VIRMA: variants seen among roughly 807,000 people sequenced by gnomAD.
VIRMA encodes protein virilizer homolog.
VIRMA carries 65 observed loss-of-function variants against 182.4 expected under a neutral mutation model. The observed-to-expected ratio is 0.36, with a 90% CI of 0.29 to 0.44. The LOEUF is 0.44. VIRMA is among the 20% of genes least tolerant of loss of function. VIRMA has a pLI of 1.00. For missense variants in VIRMA, 1,752 were observed against 2,158.1 expected, an observed-to-expected ratio of 0.81 and a Z score of 3.73; for synonymous variants, 709 against 743.1, an observed-to-expected ratio of 0.95 and a Z score of 0.75.
chr8:94,506,589 G>A lies in VIRMA; in HGVS notation c.4008C>T (p.Asn1336=). 2 of 1,613,636 alleles carry A rather than the reference G, an allele frequency of 1.2e-6. No individual in the cohort carries two copies. The highest frequency in any genetic ancestry group is 2.2e-5 in the East Asian group (1 of 44,832). ...GTAAACAGTTGTAACTGCTCTCAGA[G>A]TTAGCTAGCGTAGCCAACAGACAGT... ...ICDCLLATLA[N]SESSYNCLLT... is the part of the protein sequence containing the mutation. Residue 1336 remains asparagine (N), a synonymous_variant, in exon 16 of 24, where the codon AAC becomes AAT. Transcript: ENST00000297591.
At chr8:94,499,289 T>G (rs1033231753) in intron 17 of VIRMA, 85 bp downstream of exon 17, 1 of 951,964 alleles carries the variant, frequency 1.1e-6, no homozygotes, top group African/African-American at 1.7e-5. Flanking sequence ...ATGTGAGCCA[T>G]CGTACTTGGC....
intron 11 of VIRMA, among the ~76,000 whole-genome samples, chr8:94,514,169 G>C (rs559189746): frequency 6.6e-6 from 1 of 152,326 alleles, no homozygotes; most frequent in East Asian, 1.9e-4. Flanking sequence ...CGAAATGAGA[G>C]AGATAATTCA....
In VIRMA at chr8:94,553,379, C is replaced by G. The variant is rs764456358; in HGVS notation, c.63+6G>C. ...GCAGCGTCAGAATCAAGTCGCCAAGCCTTACCTCAGCGCTCGGGTGTTTAA... is the reference window on the plus strand; with the variant it reads ...GCAGCGTCAGAATCAAGTCGCCAAGGCTTACCTCAGCGCTCGGGTGTTTAA... On this transcript the variant is annotated splice_donor_region_variant and intron_variant, in intron 1 of 23. Coordinates refer to ENST00000297591, the MANE Select transcript of VIRMA (RefSeq NM_015496.5). The G allele has an allele frequency of 2.5e-6, 4 of 1,614,004 alleles. No individual in the cohort carries two copies. Among genetic ancestry groups the G allele is most frequent in the Non-Finnish European group, 3.4e-6 (4 of 1,179,866 alleles).
intron 18 of VIRMA, 45 bp from the exon 19 acceptor site, chr8:94,495,936 A>T (rs1456772852): frequency 2.6e-6 from 4 of 1,561,558 alleles, no homozygotes; most frequent in Non-Finnish European, 3.5e-6. Flanking sequence ...GGTAAAACTT[A>T]TGTCTGTAAA....
chr8:94,527,503 C>G, intron 7 of VIRMA, 140 bp from the exon 8 acceptor site: 1 of 552,222 alleles, frequency 1.8e-6, no homozygotes, highest in Non-Finnish European at 3.1e-6. Flanking sequence ...AACATCTTAC[C>G]CACAATTTTA....
At chr8:94,514,173 T>G (rs1350416282) in intron 11 of VIRMA, among the ~76,000 whole-genome samples, 1 of 152,192 alleles carries the variant, frequency 6.6e-6, no homozygotes, top group Non-Finnish European at 1.5e-5. Context: ...ATGAGAGAGA[T>G]AATTCAAGGT....
At chr8:94,545,806 G>C (rs1252482070) in intron 1 of VIRMA, among the ~76,000 whole-genome samples, 1 of 152,164 alleles carries the variant, frequency 6.6e-6, no homozygotes, top group African/African-American at 2.4e-5. Context: ...TGTAATCCCA[G>C]CACTTTGGGA....
chr8:94,520,852 G>A (rs969126399), intron 8 of VIRMA, among the ~76,000 whole-genome samples: 6 of 152,186 alleles, frequency 3.9e-5, no homozygotes, highest in Admixed American at 3.9e-4. Context: ...TAGGGAAAAA[G>A]CTTTCAAATT....
chr8:94,510,365 T>C (rs1814320006), intron 14 of VIRMA, 52 bp downstream of exon 14: 13 of 1,428,484 alleles, frequency 9.1e-6, no homozygotes, highest in South Asian at 3.7e-5. Flanking sequence ...GGAAAAAATA[T>C]ATGTGTCAAA....
rs1356751901 is a variant in VIRMA, at chr8:94,511,632, A to G, written c.2943T>C (p.Ser981=). ...GGAGCCTCCAAGGCTGAGTCAGAAT[A>G]CTGTTCAATTTTTGCAGAACTCGAA... ...TFIRVLQKLN[S]ILTQPWRLHV... is the part of the protein sequence containing the mutation. The change falls in exon 13 of 24, where the codon AGT becomes AGC. Residue 981 remains serine (S), a synonymous_variant. Transcript: ENST00000297591. 6.2e-7 allele frequency: 1 copy of G among 1,614,166 alleles called. No homozygotes were observed. The highest frequency in any genetic ancestry group is 8.5e-7 in the Non-Finnish European group (1 of 1,180,010).
intron 15 of VIRMA, among the ~76,000 whole-genome samples, chr8:94,508,732 T>C (rs1191024152): frequency 6.6e-6 from 1 of 151,040 alleles, no homozygotes; most frequent in South Asian, 2.1e-4. Flanking sequence ...TTGACCTGAG[T>C]CTTAAATGTA....
chr8:94,499,258 A>G (rs1421941385), intron 17 of VIRMA, 116 bp downstream of exon 17: 1 of 666,378 alleles, frequency 1.5e-6, no homozygotes, highest in Admixed American at 3.5e-5. Context: ...ACCTCAGCCC[A>G]CCAGAGTGCT....
chr8:94,488,019 T>G lies in VIRMA; in HGVS notation c.*687A>C, dbSNP rs1813501037. 1 of 152,202 alleles carries G rather than the reference T, an allele frequency of 6.6e-6. No individual in the cohort carries two copies. The highest frequency in any genetic ancestry group is 2.4e-5 in the African/African-American group (1 of 41,456). The allele number at this position is 152,202 out of a possible 1,614,324, so 9.4% of individuals were successfully genotyped here. On this transcript the variant is annotated 3_prime_UTR_variant, in exon 24 of 24. Transcript: ENST00000297591. ...CTGTGTAGCAGGGCACCTTAGCAAA[T>G]TAACATGGGTGCCACACAATATTTT...
At chr8:94,535,353 G>C (rs1323564812) in intron 4 of VIRMA, among the ~76,000 whole-genome samples, 2 of 152,132 alleles carry the variant, frequency 1.3e-5, no homozygotes, top group East Asian at 3.8e-4. Context: ...ATAGGTACAG[G>C]GGTCGTAGAA....
Position 94,509,756 on chromosome 8 carries a change from C to T in VIRMA, c.3811G>A (p.Gly1271Arg), listed in dbSNP as rs1279853438. Residue 1271 changes from glycine (G) to arginine (R), a missense_variant, in exon 15 of 24, where the codon GGA becomes AGA. Transcript: ENST00000297591. ...QDLLALVRSP[G>R]DSVIRQQCVE... is the part of the protein sequence containing the mutation. ...CACTGTTGGCGAATAACACTGTCTC[C>T]AGGAGACCGCACCAAAGCTAAAAGA... 1 of 1,614,020 alleles carries T rather than the reference C, an allele frequency of 6.2e-7. No homozygotes were observed. The highest frequency in any genetic ancestry group is 1.3e-5 in the African/African-American group (1 of 75,014).
intron 15 of VIRMA, among the ~76,000 whole-genome samples, chr8:94,508,774 G>A (rs1586076762): frequency 6.7e-6 from 1 of 149,564 alleles, no homozygotes; most frequent in Admixed American, 6.7e-5. Flanking sequence ...GGTAGAAAAA[G>A]ACAGTCTTCC....
rs753900352 is a variant in VIRMA, at chr8:94,529,340, A to T, written c.610T>A (p.Ser204Thr). ...DEDDPVPLPV[S>T]GDKEEDAPHR... is the part of the protein sequence containing the mutation. ...GGAGCATCCTCTTCCTTGTCACCAG[A>T]CACTGAAAAATTGAGATTTAAGGCA... Residue 204 changes from serine to threonine, a missense_variant and splice_region_variant, in exon 7 of 24, where the codon TCT becomes ACT. By Grantham distance (58) the Ser-to-Thr change is moderately conservative. Coordinates refer to ENST00000297591, the MANE Select transcript of VIRMA (RefSeq NM_015496.5). 5 of 1,585,314 alleles carry T rather than the reference A, an allele frequency of 3.2e-6. No homozygotes were observed. The East Asian group carries it at 9.0e-5, about 28-fold the overall frequency.
At position 94,537,059 on chromosome 8, in the gene VIRMA, G is replaced by A. The variant is rs749795558; in HGVS notation, c.315+44C>T. The A allele has an allele frequency of 3.9e-6, 5 of 1,275,466 alleles. No individual in the cohort carries two copies. The South Asian group carries it at 4.8e-5, about 12-fold the overall frequency. The allele number at this position is 1,275,466 out of a possible 1,614,324, so 79.0% of individuals were successfully genotyped here. On this transcript the variant is annotated intron_variant, in intron 4 of 23. Transcript: ENST00000297591. ...GATCAAAAACTTTAAATGGAGTTGAGAGCAAATAGTAATGACAAGCTGAAA... is the reference window on the plus strand; with the variant it reads ...GATCAAAAACTTTAAATGGAGTTGAAAGCAAATAGTAATGACAAGCTGAAA...
intron 2 of VIRMA, among the ~76,000 whole-genome samples, chr8:94,539,528 A>T (rs2130380013): frequency 6.6e-6 from 1 of 152,318 alleles, no homozygotes; most frequent in South Asian, 2.1e-4. Context: ...CACATACTTT[A>T]TTCTTGTTCA....
Sources: allele counts gnomAD v4.1 joint callset (sites outside exome capture counted in the v4.1 genomes callset), GRCh38; gene constraint gnomAD v4.1.1; transcripts MANE v1.5; gene names NCBI Gene and HGNC (gene_info 2026-07-23, HGNC 2026-07-21).